Variants in TXNDC12 observed in about 807,000 individuals in gnomAD.
TXNDC12 encodes thioredoxin domain containing 12.
A neutral mutation model predicts 24.2 loss-of-function variants in TXNDC12; 22 were observed. That is an observed-to-expected ratio of 0.91 (90% CI 0.65 to 1.30). The LOEUF is 1.30. TXNDC12 is among the 50% of genes most tolerant of loss of function. TXNDC12 has a pLI of 0.00. For synonymous variants in TXNDC12, 58 were observed against 73.4 expected (o/e 0.79, Z 1.07); for missense variants, 184 against 205.8 (o/e 0.89, Z 0.65).
intron 1 of TXNDC12, among the ~76,000 whole-genome samples, chr1:52,042,591 G>A (rs1303906098): frequency 6.6e-6 from 1 of 151,772 alleles, no homozygotes; most frequent in African/African-American, 2.4e-5. Context: ...CTCCTGAGTA[G>A]CTGGAATTAC....
Position 52,020,973 on chromosome 1 carries a change from C to T in TXNDC12, c.479G>A (p.Gly160Asp). Residue 160 changes from glycine to aspartate, a missense_variant, in exon 7 of 7, where the codon GGT becomes GAT. Transcript: ENST00000371626. ...AAGATGTTTCTTTCTGAAGGCATCACCCGTCAGCCTTTCCTGAGCTTCCTT... is the reference window on the plus strand; with the variant it reads ...AAGATGTTTCTTTCTGAAGGCATCATCCGTCAGCCTTTCCTGAGCTTCCTT... Reference protein sequence around the residue: ...GMKEAQERLTGDAFRKKHLED... With the variant: ...GMKEAQERLTDDAFRKKHLED... The T allele has an allele frequency of 6.2e-7, 1 of 1,614,130 alleles. No individual in the cohort carries two copies. Among genetic ancestry groups the T allele is most frequent in the Non-Finnish European group, 8.5e-7 (1 of 1,179,986 alleles).
intron 1 of TXNDC12, among the ~76,000 whole-genome samples, chr1:52,054,039 T>A (rs1484078259): frequency 6.6e-6 from 1 of 152,194 alleles, no homozygotes; most frequent in Non-Finnish European, 1.5e-5. Flanking sequence ...CCTAGGACAG[T>A]GCCTGAAATA....
chr1:52,022,222 C>T (rs1299093996), intron 6 of TXNDC12, among the ~76,000 whole-genome samples: 1 of 152,098 alleles, frequency 6.6e-6, no homozygotes, highest in Non-Finnish European at 1.5e-5. Context: ...GGCAGCATGG[C>T]AAATAGGGAC....
At chr1:52,024,421 G>A in intron 5 of TXNDC12, 89 bp downstream of exon 5, 2 of 997,834 alleles carry the variant, frequency 2.0e-6, no homozygotes, top group South Asian at 1.4e-5. Flanking sequence ...GGTCATCCTG[G>A]TATAGTTTCA....
At chr1:52,053,892 T>C (rs2124398857) in intron 1 of TXNDC12, among the ~76,000 whole-genome samples, 1 of 152,296 alleles carries the variant, frequency 6.6e-6, no homozygotes, top group Non-Finnish European at 1.5e-5. Context: ...CACAGTCTTA[T>C]TGTTTTCCCA....
In TXNDC12 at chr1:52,055,149, A is replaced by G; in HGVS notation, c.-53T>C. On this transcript the variant is annotated 5_prime_UTR_variant, in exon 1 of 7. Coordinates refer to ENST00000371626, the MANE Select transcript of TXNDC12 (RefSeq NM_015913.4). ...TGAGCGGACGCAGGGCCGGAGTCCC[A>G]GCAGACGGTCCACACAGTTCGCCGA... The G allele has an allele frequency of 7.7e-7, 1 of 1,297,382 alleles. No individual in the cohort carries two copies. The highest frequency in any genetic ancestry group is 2.3e-5 in the East Asian group (1 of 43,196). 80.4% of individuals were successfully genotyped at this position (1,297,382 alleles called of 1,614,324 possible).
chr1:52,048,473 TAAAAAAA>T (rs57230386), intron 1 of TXNDC12, among the ~76,000 whole-genome samples: 1 of 118,776 alleles, frequency 8.4e-6, no homozygotes, highest in Non-Finnish European at 1.8e-5. Context: ...TTCTTTTCTT[TAAAAAAA>T]AAAAAAAAAA....
intron 1 of TXNDC12, among the ~76,000 whole-genome samples, chr1:52,049,666 A>G (rs940925323): frequency 6.6e-6 from 1 of 152,130 alleles, no homozygotes; most frequent in African/African-American, 2.4e-5. Flanking sequence ...ATTTTTTATA[A>G]TAGTAATAAT....
At position 52,033,508 on chromosome 1, in the gene TXNDC12, T is replaced by C. The variant is rs200200454; in HGVS notation, c.159-4878A>G. 3.0e-5 allele frequency: 49 copies of C among 1,613,744 alleles called. No homozygotes were observed. Among genetic ancestry groups the C allele is most frequent in the East Asian group, 1.1e-4 (5 of 44,878 alleles). ...GCAGTAGAGCTCGTAACGGAAACCT[T>C]TGATGTAGTTAAGCGAGTCCAGGAT... On this transcript the variant is annotated intron_variant, in intron 2 of 6. Transcript: ENST00000371626.
chr1:52,055,339 G>A (rs1465589354), upstream of TXNDC12: 8 of 467,126 alleles, frequency 1.7e-5, no homozygotes, highest in South Asian at 4.4e-5. Context: ...TCTCGAGCGC[G>A]AGTTGCTTTT....
At chr1:52,027,672 C>T (rs985763822) in intron 3 of TXNDC12, among the ~76,000 whole-genome samples, 2 of 151,388 alleles carry the variant, frequency 1.3e-5, no homozygotes, top group Non-Finnish European at 2.9e-5. Context: ...ACATGAAAGA[C>T]AATAGAGTGA....
At chr1:52,024,670 C>T in intron 4 of TXNDC12, 91 bp from the exon 5 acceptor site, 2 of 1,008,518 alleles carry the variant, frequency 2.0e-6, no homozygotes, top group East Asian at 2.6e-5. Context: ...AGGGCAAAAC[C>T]CCAAGTCCTT....
chr1:52,033,819 C>G (rs900213616), intron 2 of TXNDC12: 4 of 1,487,662 alleles, frequency 2.7e-6, no homozygotes, highest in Non-Finnish European at 3.6e-6. Context: ...TTGTACGCGT[C>G]TCCGACGTAA....
intron 3 of TXNDC12, 102 bp downstream of exon 3, chr1:52,028,476 A>ACTAGCCTTAAACTGGC: frequency 1.1e-6 from 1 of 870,660 alleles, no homozygotes; most frequent in Non-Finnish European, 1.8e-6. Context: ...TATTCCTTAA[A>ACTAGCCTTAAACTGGC]CAGTCAGTAG....
chr1:52,034,922 T>C (rs1685854536), intron 2 of TXNDC12, among the ~76,000 whole-genome samples: 1 of 151,996 alleles, frequency 6.6e-6, no homozygotes, highest in Non-Finnish European at 1.5e-5. Flanking sequence ...CGCCACCATA[T>C]CTGGCTAATT....
chr1:52,037,724 G>A (rs1348214542), intron 2 of TXNDC12, among the ~76,000 whole-genome samples: 1 of 152,164 alleles, frequency 6.6e-6, no homozygotes, highest in Non-Finnish European at 1.5e-5. Context: ...GGCAGCTGGT[G>A]TTTATCTTTG....
At chr1:52,022,362 A>C (rs1041784396) in intron 6 of TXNDC12, among the ~76,000 whole-genome samples, 1 of 152,204 alleles carries the variant, frequency 6.6e-6, no homozygotes, top group Non-Finnish European at 1.5e-5. Flanking sequence ...AGAACAAAAA[A>C]GCATGACTGG....
intron 2 of TXNDC12, among the ~76,000 whole-genome samples, chr1:52,038,919 T>A (rs1188677581): frequency 9.6e-6 from 1 of 104,312 alleles, no homozygotes; most frequent in East Asian, 2.9e-4. Context: ...TTTTTTTTTT[T>A]ACGCAATTGG....
chr1:52,048,344 T>C lies in TXNDC12; in HGVS notation c.97+6656A>G, dbSNP rs944126923. On this transcript the variant is annotated intron_variant, in intron 1 of 6. Transcript: ENST00000371626. Reference sequence around the variant, plus strand: ...AGCTGGATGCAGTGGCATGTGCCTATAGTCCCAGCTACTCAGGAGGCTGAT... The same window carrying C: ...AGCTGGATGCAGTGGCATGTGCCTACAGTCCCAGCTACTCAGGAGGCTGAT... 3.3e-5 allele frequency among the ~76,000 whole-genome samples: 5 copies of C among 152,178 alleles called. No homozygotes were observed. In the South Asian group the frequency reaches 6.2e-4, roughly 19 times the overall value.
Sources: gnomAD v4.1 joint callset for allele counts (sites outside exome capture counted in the v4.1 genomes callset) on GRCh38, gnomAD v4.1.1 for gene constraint, MANE v1.5 for transcripts, NCBI Gene and HGNC (gene_info 2026-07-23, HGNC 2026-07-21) for gene names.